FGF12: variants seen among roughly 807,000 people sequenced by gnomAD.
FGF12 encodes fibroblast growth factor 12, also known as fibroblast growth factor 12B.
Under a neutral mutation model 23.6 loss-of-function variants are expected in FGF12, and 14 were observed. The observed-to-expected ratio is 0.59, with a 90% CI of 0.39 to 0.93. The LOEUF is 0.93. Among genes scored for constraint, FGF12 ranks in the 40% least tolerant of loss-of-function variants. The pLI is 0.00. For synonymous variants in FGF12, 62 were observed against 77.3 expected (o/e 0.80, Z 1.04); for missense variants, 175 against 217.8 (o/e 0.80, Z 1.24).
At chr3:192,338,742 T>C (rs894846768) in intron 3 of FGF12, among the ~76,000 whole-genome samples, 4 of 152,186 alleles carry the variant, frequency 2.6e-5, no homozygotes, top group Non-Finnish European at 5.9e-5. Flanking sequence ...AGAAAATAAG[T>C]CCTTGTTCTC....
At chr3:192,294,625 T>C (rs934963638) in intron 4 of FGF12, among the ~76,000 whole-genome samples, 6 of 152,200 alleles carry the variant, frequency 3.9e-5, no homozygotes, top group Admixed American at 1.3e-4. Context: ...GTGCATGAGA[T>C]TGTATAGAAA....
Position 192,408,200 on chromosome 3 carries a change from G to A in FGF12, c.14-47662C>T, listed in dbSNP as rs769349710. The A allele has an allele frequency of 5.0e-6, 8 of 1,605,902 alleles. No individual in the cohort carries two copies. Among genetic ancestry groups the A allele is most frequent in the Admixed American group, 1.7e-5 (1 of 59,946 alleles). The stretch of plus-strand genomic sequence containing the variant: ...TCGCCTGCCGCTTCTGCCGGATCAA[G>A]GAGCTGGCTATCGCCGCAGCCATAG... On this transcript the variant is annotated intron_variant, in intron 2 of 5. Coordinates refer to ENST00000445105, the MANE Select transcript of FGF12 (RefSeq NM_004113.6). The surrounding 1 kb of genome is among the most constrained non-coding windows in gnomAD (Gnocchi z 7.3).
At chr3:192,255,438 G>C (rs983231100) in intron 4 of FGF12, among the ~76,000 whole-genome samples, 1 of 151,940 alleles carries the variant, frequency 6.6e-6, no homozygotes, top group Non-Finnish European at 1.5e-5. Context: ...AGTAAGCTGA[G>C]TTGGGGAAGA....
chr3:192,436,592 C>T (rs1576980621), intron 2 of FGF12, among the ~76,000 whole-genome samples: 2 of 152,222 alleles, frequency 1.3e-5, no homozygotes, highest in East Asian at 3.8e-4. Context: ...TTTTACAAAG[C>T]TCTCCAGGTG....
chr3:192,595,495 A>G (rs1488530824), intron 2 of FGF12, among the ~76,000 whole-genome samples: 1 of 152,168 alleles, frequency 6.6e-6, no homozygotes, highest in East Asian at 1.9e-4. Context: ...TTGAGGTTTT[A>G]GTAGAGCAGT....
intron 2 of FGF12, among the ~76,000 whole-genome samples, chr3:192,459,457 T>C (rs1560117615): frequency 6.6e-6 from 1 of 152,234 alleles, no homozygotes; most frequent in Non-Finnish European, 1.5e-5. Flanking sequence ...TGATGCTACA[T>C]TCAAAATGAA....
intron 2 of FGF12, among the ~76,000 whole-genome samples, chr3:192,565,316 C>T (rs1202953799): frequency 6.6e-6 from 1 of 152,172 alleles, no homozygotes; most frequent in Non-Finnish European, 1.5e-5. Flanking sequence ...AAATAATTTG[C>T]ATTCTATCAG....
chr3:192,545,211 G>A (rs768608378), intron 2 of FGF12, among the ~76,000 whole-genome samples: 9 of 152,104 alleles, frequency 5.9e-5, no homozygotes, highest in African/African-American at 1.4e-4. Context: ...GGTACCAACC[G>A]AACACTTGCA....
intron 2 of FGF12, among the ~76,000 whole-genome samples, chr3:192,399,208 T>C (rs1362958306): frequency 6.6e-6 from 1 of 151,854 alleles, no homozygotes. Flanking sequence ...TCCAAGATGA[T>C]GTTAGGAAGT....
At chr3:192,503,255 G>C (rs1049834784) in intron 2 of FGF12, among the ~76,000 whole-genome samples, 3 of 152,046 alleles carry the variant, frequency 2.0e-5, no homozygotes, top group African/African-American at 7.2e-5. Flanking sequence ...AGGTTAATGA[G>C]GTCAAAAATT....
At chr3:192,448,940 T>C (rs959025531) in intron 2 of FGF12, among the ~76,000 whole-genome samples, 1 of 152,204 alleles carries the variant, frequency 6.6e-6, no homozygotes. Context: ...ATCAGTCTGA[T>C]CCAACTCTGG....
At chr3:192,332,927 C>T (rs1054739225) in intron 4 of FGF12, among the ~76,000 whole-genome samples, 7 of 152,056 alleles carry the variant, frequency 4.6e-5, no homozygotes, top group South Asian at 2.1e-4. Flanking sequence ...TTTTAACTCA[C>T]GAGGCGAAAG....
intron 2 of FGF12, among the ~76,000 whole-genome samples, chr3:192,568,976 G>T (rs904421671): frequency 2.0e-5 from 3 of 152,124 alleles, no homozygotes; most frequent in Non-Finnish European, 2.9e-5. Flanking sequence ...CACTTACGTT[G>T]GTTCTCCAAA....
At position 192,302,852 on chromosome 3, in the gene FGF12, C is replaced by G. The variant is rs1715422332; in HGVS notation, c.228+32509G>C. Among the ~76,000 whole-genome samples, 7 of 152,258 alleles carry G rather than the reference C, an allele frequency of 4.6e-5. No individual in the cohort carries two copies. In the South Asian group the frequency reaches 1.2e-3, roughly 27 times the overall value. On this transcript the variant is annotated intron_variant, in intron 4 of 5. Transcript: ENST00000445105. ...CAAGGTGAAGAACATTCCAGGCAGA[C>G]AGACTATGATAAGTAAAGGCAAGAA...
At chr3:192,598,675 G>A (rs1161461218) in intron 2 of FGF12, among the ~76,000 whole-genome samples, 1 of 152,146 alleles carries the variant, frequency 6.6e-6, no homozygotes, top group African/African-American at 2.4e-5. Flanking sequence ...GAAAAGTCAG[G>A]TGATAACCCT....
intron 4 of FGF12, among the ~76,000 whole-genome samples, chr3:192,254,953 A>G (rs1712289902): frequency 6.6e-6 from 1 of 152,084 alleles, no homozygotes; most frequent in African/African-American, 2.4e-5. Context: ...CACTCTGCAA[A>G]TGCATATCAT....
chr3:192,508,034 C>T (rs780731815), intron 2 of FGF12, among the ~76,000 whole-genome samples: 1 of 152,058 alleles, frequency 6.6e-6, no homozygotes, highest in Non-Finnish European at 1.5e-5. Flanking sequence ...AACCCCTCTC[C>T]CCTCAAAAAA....
At chr3:192,400,343 C>A (rs1446546154) in intron 2 of FGF12, among the ~76,000 whole-genome samples, 2 of 151,264 alleles carry the variant, frequency 1.3e-5, no homozygotes, top group African/African-American at 2.4e-5. Context: ...TAAATAAAAC[C>A]CAATCTTCCA....
chr3:192,394,602 A>C (rs962781240), intron 2 of FGF12, among the ~76,000 whole-genome samples: 5 of 152,226 alleles, frequency 3.3e-5, no homozygotes, highest in African/African-American at 1.2e-4. Context: ...GCTGAAAATA[A>C]GGAAACTAAG....
Sources: gnomAD v4.1 joint callset for allele counts (sites outside exome capture counted in the v4.1 genomes callset) on GRCh38, gnomAD v4.1.1 for gene constraint, Gnocchi (gnomAD v3.1) non-coding constraint, MANE v1.5 for transcripts, NCBI Gene and HGNC (gene_info 2026-07-23, HGNC 2026-07-21) for gene names.